The following RAD54L2 variants were observed in gnomAD, a reference collection of about 807,000 sequenced individuals.
The protein encoded by RAD54L2 is helicase ARIP4.
A neutral mutation model predicts 138.4 loss-of-function variants in RAD54L2; 27 were observed. The observed-to-expected ratio is 0.20, with a 90% CI of 0.14 to 0.27. The LOEUF (loss-of-function observed/expected upper bound fraction) is 0.27. RAD54L2 is among the 10% of genes least tolerant of loss of function. RAD54L2 has a pLI of 1.00. For synonymous variants in RAD54L2, 644 were observed against 723.2 expected, an observed-to-expected ratio of 0.89 and a Z score of 1.76; for missense variants, 1,396 against 1,890.2, an observed-to-expected ratio of 0.74 and a Z score of 4.85.
intron 1 of RAD54L2, chr3:51,541,251 A>G (rs1291885378): frequency 1.3e-5 from 2 of 152,136 alleles, no homozygotes; most frequent in Non-Finnish European, 2.9e-5. Context: ...TCAAGCTTTT[A>G]ATCAGTAAAG....
chr3:51,576,495 T>C (rs944256596), intron 2 of RAD54L2, among the ~76,000 whole-genome samples: 2 of 152,182 alleles, frequency 1.3e-5, no homozygotes, highest in African/African-American at 2.4e-5. Context: ...TTTTGGTTGG[T>C]AGGCTATTAA....
intron 2 of RAD54L2, among the ~76,000 whole-genome samples, chr3:51,581,318 G>A (rs1699604660): frequency 6.6e-6 from 1 of 152,082 alleles, no homozygotes; most frequent in Non-Finnish European, 1.5e-5. Context: ...AGCTGGTCTC[G>A]AACTCCTGGC....
chr3:51,661,673 G>A (rs1380519463), intron 22 of RAD54L2, among the ~76,000 whole-genome samples: 5 of 152,092 alleles, frequency 3.3e-5, no homozygotes, highest in African/African-American at 1.2e-4. Flanking sequence ...TTGTATTATG[G>A]AAATTTCAAA....
intron 3 of RAD54L2, among the ~76,000 whole-genome samples, chr3:51,617,517 G>T (rs1178599516): frequency 1.3e-5 from 2 of 152,094 alleles, no homozygotes; most frequent in Admixed American, 6.6e-5. Flanking sequence ...TAAAGTATCT[G>T]TTTCTTCTCA....
At chr3:51,571,099 G>A (rs929117403) in intron 2 of RAD54L2, among the ~76,000 whole-genome samples, 4 of 152,218 alleles carry the variant, frequency 2.6e-5, no homozygotes, top group African/African-American at 7.2e-5. Flanking sequence ...GGGATTATAG[G>A]AGTAAGCTGC....
intron 3 of RAD54L2, among the ~76,000 whole-genome samples, chr3:51,609,751 T>C (rs1352714799): frequency 6.6e-6 from 1 of 151,586 alleles, no homozygotes; most frequent in African/African-American, 2.4e-5. Flanking sequence ...GTTTGTAGTC[T>C]CAGTGTTTCA....
intron 2 of RAD54L2, among the ~76,000 whole-genome samples, chr3:51,570,413 A>T (rs1699314190): frequency 6.7e-6 from 1 of 149,626 alleles, no homozygotes; most frequent in South Asian, 2.1e-4. Flanking sequence ...AAGTGCTGAG[A>T]TTTACAGATG....
At chr3:51,649,139 G>A (rs1353347415) in intron 19 of RAD54L2, among the ~76,000 whole-genome samples, 4 of 151,980 alleles carry the variant, frequency 2.6e-5, no homozygotes, top group South Asian at 2.1e-4. Context: ...ACCATGGCAC[G>A]AGAACTACAT....
In RAD54L2 at chr3:51,637,416, A is replaced by T. The variant is rs909521718; in HGVS notation, c.1595A>T (p.Gln532Leu). Residue 532 changes from glutamine to leucine, a missense_variant, in exon 11 of 23, where the codon CAA becomes CTA. By Grantham distance (113) the Gln-to-Leu change is moderately radical (BLOSUM62 -2). Coordinates refer to ENST00000684192, the MANE Select transcript of RAD54L2 (RefSeq NM_015106.4). The surrounding 1 kb of genome is among the most constrained non-coding windows in gnomAD (Gnocchi z 5.9). Reference protein sequence around the residue: ...NMFERPILNGQCIDSTPQDVR... With the variant: ...NMFERPILNGLCIDSTPQDVR... ...TTTGAACGCCCTATCCTGAATGGGC[A>T]ATGTATTGACAGCACACCTCAGGAC... The T allele has an allele frequency of 6.2e-7, 1 of 1,613,940 alleles. No homozygotes were observed. The highest frequency in any genetic ancestry group is 1.3e-5 in the African/African-American group (1 of 75,044).
intron 16 of RAD54L2, among the ~76,000 whole-genome samples, chr3:51,644,479 C>G (rs1044349849): frequency 6.6e-6 from 1 of 152,146 alleles, no homozygotes; most frequent in South Asian, 2.1e-4. Context: ...ACAACAACAA[C>G]AAAATACCCA....
intron 2 of RAD54L2, among the ~76,000 whole-genome samples, chr3:51,556,270 CT>C (rs574280006): frequency 1.3e-5 from 2 of 151,984 alleles, no homozygotes; most frequent in Non-Finnish European, 2.9e-5. Context: ...TACCAATTGC[CT>C]TTTTTTGTTT....
chr3:51,637,870 C>G lies in RAD54L2; in HGVS notation c.1683-274C>G, dbSNP rs917027593. On this transcript the variant is annotated intron_variant, in intron 11 of 22. Coordinates refer to ENST00000684192, the MANE Select transcript of RAD54L2 (RefSeq NM_015106.4). The surrounding 1 kb of genome is among the most constrained non-coding windows in gnomAD (Gnocchi z 5.9). The stretch of plus-strand genomic sequence containing the variant: ...ATGGAGCGAAAGCTCAGAGAGGCAG[C>G]CCAAATTAAAGTAAGAACCTCAAGT... Among the ~76,000 whole-genome samples, 1 of 152,188 alleles carries G rather than the reference C, an allele frequency of 6.6e-6. No homozygotes were observed. The highest frequency in any genetic ancestry group is 2.4e-5 in the African/African-American group (1 of 41,432).
intron 2 of RAD54L2, among the ~76,000 whole-genome samples, chr3:51,559,772 A>G (rs1057422459): frequency 6.6e-6 from 1 of 152,230 alleles, no homozygotes; most frequent in Non-Finnish European, 1.5e-5. Context: ...TGTTATACCC[A>G]TATTGAAAAT....
rs71084149 is a variant in RAD54L2, at chr3:51,566,466, G to GTT, written c.-54-23872_-54-23871dup. ...TGAATTTTATCACAGCCTTTTCTGCGTTTTTTTTTTTTTTTTTTTTTTTTT... is the reference window on the plus strand; with the variant it reads ...TGAATTTTATCACAGCCTTTTCTGCGTTTTTTTTTTTTTTTTTTTTTTTTTTT... On this transcript the variant is annotated intron_variant, in intron 2 of 22. Coordinates refer to ENST00000684192, the MANE Select transcript of RAD54L2 (RefSeq NM_015106.4). Among the ~76,000 whole-genome samples the GTT allele has an allele frequency of 1.4e-3, 43 of 31,530 alleles. 13 individuals are homozygous for GTT. The highest frequency in any genetic ancestry group is 5.1e-3 in the African/African-American group (32 of 6,302). 20.7% of individuals were successfully genotyped at this position (31,530 alleles called of 152,430 possible). A position where few individuals can be genotyped will look rare whatever the true frequency, so the allele number is the denominator to read the frequency against.
At chr3:51,620,379 G>A (rs908852499) in intron 3 of RAD54L2, among the ~76,000 whole-genome samples, 3 of 144,144 alleles carry the variant, frequency 2.1e-5, no homozygotes, top group Non-Finnish European at 3.0e-5. Context: ...GATTACAGGC[G>A]TGATCCACTG....
At chr3:51,539,833 T>A (rs538837548) in intron 1 of RAD54L2, among the ~76,000 whole-genome samples, 1 of 152,244 alleles carries the variant, frequency 6.6e-6, no homozygotes, top group South Asian at 2.1e-4. Context: ...ACTATATTGG[T>A]GGCTGAACAT....
chr3:51,622,339 G>A (rs897738224), intron 3 of RAD54L2, among the ~76,000 whole-genome samples: 2 of 152,120 alleles, frequency 1.3e-5, no homozygotes, highest in South Asian at 4.1e-4. Flanking sequence ...TGCCACCCTA[G>A]CCTCTGCTTT....
chr3:51,577,505 C>G lies in RAD54L2; in HGVS notation c.-54-12862C>G, dbSNP rs958279585. Among the ~76,000 whole-genome samples the G allele has an allele frequency of 5.3e-5, 8 of 152,122 alleles. 1 individual carries two copies. The highest frequency in any genetic ancestry group is 4.1e-4 in the South Asian group (2 of 4,828). On this transcript the variant is annotated intron_variant, in intron 2 of 22. Transcript: ENST00000684192. ...AAGTCTCTTTTTAGGTCTCTAAGGA[C>G]TTGCTTTATGAATCTGGGTGCTCCT...
At chr3:51,585,628 T>G (rs1699692594) in intron 2 of RAD54L2, among the ~76,000 whole-genome samples, 1 of 152,186 alleles carries the variant, frequency 6.6e-6, no homozygotes, top group Admixed American at 6.6e-5. Context: ...GGCAGAACAA[T>G]ATTTTCCTTC....
Sources: allele counts gnomAD v4.1 joint callset (sites outside exome capture counted in the v4.1 genomes callset), GRCh38; gene constraint gnomAD v4.1.1; non-coding constraint Gnocchi (gnomAD v3.1); transcripts MANE v1.5; gene names NCBI Gene and HGNC (gene_info 2026-07-23, HGNC 2026-07-21).